SMARCC1: variants seen among roughly 807,000 people sequenced by gnomAD.
The protein encoded by SMARCC1 is SWI/SNF related BAF chromatin remodeling complex subunit C1.
A neutral mutation model predicts 147.4 loss-of-function variants in SMARCC1; 43 were observed. The observed-to-expected ratio is 0.29, with a 90% CI of 0.23 to 0.38. The LOEUF (loss-of-function observed/expected upper bound fraction) is 0.38, where lower values mean the gene tolerates loss of function less well. Among genes scored for constraint, SMARCC1 ranks in the 10% least tolerant of loss-of-function variants. The pLI is 1.00. For missense variants in SMARCC1, 1,119 were observed against 1,381.1 expected (o/e 0.81, Z 3.01); for synonymous variants, 495 against 484.4 (o/e 1.02, Z -0.29).
At chr3:47,655,056 C>T (rs1345071107) in intron 21 of SMARCC1, among the ~76,000 whole-genome samples, 1 of 152,136 alleles carries the variant, frequency 6.6e-6, no homozygotes, top group South Asian at 2.1e-4. Flanking sequence ...GTAGAGAGAA[C>T]AACAGGGGTA....
intron 21 of SMARCC1, among the ~76,000 whole-genome samples, chr3:47,647,832 T>C (rs535890768): frequency 6.6e-6 from 1 of 152,344 alleles, no homozygotes; most frequent in African/African-American, 2.4e-5. Context: ...ACAACCTACC[T>C]TTGTAGGCTA....
intron 2 of SMARCC1, among the ~76,000 whole-genome samples, chr3:47,768,732 T>C (rs945104930): frequency 6.6e-6 from 1 of 152,156 alleles, no homozygotes; most frequent in African/African-American, 2.4e-5. Flanking sequence ...TAAAGGAACA[T>C]GGAACTTTCA....
Position 47,635,179 on chromosome 3 carries a change from CA to C in SMARCC1, c.2646+10del. 6.2e-7 allele frequency: 1 copy of C among 1,612,832 alleles called. No individual in the cohort carries two copies. The highest frequency in any genetic ancestry group is 8.5e-7 in the Non-Finnish European group (1 of 1,179,498). On this transcript the variant is annotated intron_variant, in intron 24 of 27. Coordinates refer to ENST00000254480, the MANE Select transcript of SMARCC1 (RefSeq NM_003074.4). ...TAAGAGAGCACTGGAAAAGGGCTGT[CA>C]GGGGCAAACCTTGGCTTTGGTAGCC...
At chr3:47,761,855 C>G (rs59286857) in intron 2 of SMARCC1, among the ~76,000 whole-genome samples, 1 of 152,182 alleles carries the variant, frequency 6.6e-6, no homozygotes, top group Non-Finnish European at 1.5e-5. Flanking sequence ...GTTGCCCAGG[C>G]TGGAGTGCAG....
chr3:47,633,238 T>G (rs919538148), intron 24 of SMARCC1, among the ~76,000 whole-genome samples: 1 of 152,130 alleles, frequency 6.6e-6, no homozygotes, highest in Non-Finnish European at 1.5e-5. Flanking sequence ...GGTTAGAGAA[T>G]GGGACTGAGG....
At chr3:47,778,998 G>GTAAAATAAAAAT (rs1264466455) in intron 1 of SMARCC1, among the ~76,000 whole-genome samples, 2 of 131,154 alleles carry the variant, frequency 1.5e-5, no homozygotes, top group South Asian at 2.4e-4. Flanking sequence ...AAAAAAAAAA[G>GTAAAATAAAAAT]AAAATTCCTA....
intron 26 of SMARCC1, among the ~76,000 whole-genome samples, chr3:47,599,616 C>G (rs1327358638): frequency 6.6e-6 from 1 of 152,116 alleles, no homozygotes; most frequent in African/African-American, 2.4e-5. Context: ...TACTCTGATT[C>G]TAGAGATGGT....
At position 47,680,427 on chromosome 3, in the gene SMARCC1, C is replaced by G. The variant is rs372919803; in HGVS notation, c.1457+10G>C. ...GCAAATAAACAAGTTTTCTAAAACA[C>G]TGGCCTCACATTTCTGGAGTCTTGG... On this transcript the variant is annotated intron_variant, in intron 15 of 27. Coordinates refer to ENST00000254480, the MANE Select transcript of SMARCC1 (RefSeq NM_003074.4). The G allele has an allele frequency of 6.2e-7, 1 of 1,601,164 alleles. No individual in the cohort carries two copies. The highest frequency in any genetic ancestry group is 8.5e-7 in the Non-Finnish European group (1 of 1,170,016).
intron 9 of SMARCC1, among the ~76,000 whole-genome samples, chr3:47,708,029 C>G (rs148177704): frequency 3.6e-5 from 5 of 140,502 alleles, no homozygotes; most frequent in Non-Finnish European, 7.6e-5. Context: ...TGAAAAAAAT[C>G]TAAAGGATAT....
chr3:47,594,872 G>T (rs2032245327), intron 26 of SMARCC1, among the ~76,000 whole-genome samples: 2 of 152,194 alleles, frequency 1.3e-5, no homozygotes, highest in African/African-American at 2.4e-5. Context: ...ACCCCCAGGG[G>T]ATATGCTGCA....
chr3:47,777,091 T>A (rs955489512), intron 1 of SMARCC1, among the ~76,000 whole-genome samples: 33 of 149,250 alleles, frequency 2.2e-4, no homozygotes, highest in African/African-American at 8.1e-4. Context: ...AATATTTATT[T>A]TTTTTTTTTT....
chr3:47,609,453 C>T (rs1043621500), intron 26 of SMARCC1, among the ~76,000 whole-genome samples: 23 of 151,338 alleles, frequency 1.5e-4, no homozygotes, highest in Non-Finnish European at 2.9e-4. Context: ...GCCAAGATCG[C>T]GCCACTGCAC....
intron 2 of SMARCC1, among the ~76,000 whole-genome samples, chr3:47,753,743 G>A (rs73085148): frequency 0.014 from 1,989 of 144,702 alleles, 26 homozygotes; most frequent in South Asian, 0.022. Flanking sequence ...AGACAAAGTA[G>A]TGCTAACAAT....
At chr3:47,657,792 A>G (rs2033283932) in intron 21 of SMARCC1, among the ~76,000 whole-genome samples, 1 of 151,996 alleles carries the variant, frequency 6.6e-6, no homozygotes. Context: ...CAGCCTAGGC[A>G]ACAACAGAGA....
At position 47,720,719 on chromosome 3, in the gene SMARCC1, C is replaced by A. The variant is rs780131969; in HGVS notation, c.663G>T (p.Pro221=). The change falls in exon 7 of 28, where the codon CCG becomes CCT. Residue 221 remains proline (P), a synonymous_variant. Coordinates refer to ENST00000254480, the MANE Select transcript of SMARCC1 (RefSeq NM_003074.4). The stretch of plus-strand genomic sequence containing the variant: ...ACACTTGCTTCTCTTTTCTCATCAC[C>A]GGTCTCAACCATTCTTCTGGAAGAG... ...SSQDDEEWLR[P]VMRKEKQVLV... is the part of the protein sequence containing the mutation. 38 of 1,610,838 alleles carry A rather than the reference C, an allele frequency of 2.4e-5. No individual in the cohort carries two copies. Among genetic ancestry groups the A allele is most frequent in the Non-Finnish European group, 2.6e-5 (31 of 1,177,786 alleles).
intron 26 of SMARCC1, among the ~76,000 whole-genome samples, chr3:47,604,953 G>A: frequency 6.6e-6 from 1 of 152,152 alleles, no homozygotes; most frequent in East Asian, 1.9e-4. Context: ...CACCTGCCTT[G>A]GCTTCCCAAA....
At chr3:47,670,889 C>T (rs2033486816) in intron 18 of SMARCC1, among the ~76,000 whole-genome samples, 172 bp from the exon 19 acceptor site, 1 of 151,982 alleles carries the variant, frequency 6.6e-6, no homozygotes, top group African/African-American at 2.4e-5. Context: ...GAAATGCTGG[C>T]TTATTTCAAA....
At chr3:47,652,689 C>G (rs1353054801) in intron 21 of SMARCC1, among the ~76,000 whole-genome samples, 3 of 149,158 alleles carry the variant, frequency 2.0e-5, no homozygotes, top group Admixed American at 2.0e-4. Flanking sequence ...AATGGCCAAT[C>G]AAAAATCCCT....
chr3:47,714,056 T>G lies in SMARCC1; in HGVS notation c.792+359A>C, dbSNP rs9816531. Among the ~76,000 whole-genome samples, 676 of 152,328 alleles carry G rather than the reference T, an allele frequency of 4.4e-3. 5 individuals are homozygous for G. The highest frequency in any genetic ancestry group is 0.032 in the South Asian group (155 of 4,832). ...GCTGTAGAAAACAGCTGAGAAGAGC[T>G]ATTAGATTATTGTAAGAATTTTTTT... On this transcript the variant is annotated intron_variant, in intron 8 of 27. Transcript: ENST00000254480.
Sources: gnomAD v4.1 joint callset for allele counts (sites outside exome capture counted in the v4.1 genomes callset) on GRCh38, gnomAD v4.1.1 for gene constraint, MANE v1.5 for transcripts, NCBI Gene and HGNC (gene_info 2026-07-23, HGNC 2026-07-21) for gene names.